GMDS: variants seen among roughly 807,000 people sequenced by gnomAD.
GMDS encodes the protein GDP-mannose 4,6 dehydratase.
A neutral mutation model predicts 49.9 loss-of-function variants in GMDS; 20 were observed. That is an observed-to-expected ratio of 0.40 (90% CI 0.28 to 0.58). The LOEUF is 0.58. Ranked by LOEUF, GMDS falls within the 20% of genes least tolerant of loss-of-function variation. The probability of loss-of-function intolerance (pLI) is 0.42; values close to 1 mark genes in which losing one functional copy is unlikely to be tolerated. For missense variants in GMDS, 362 were observed against 481.4 expected (o/e 0.75, Z 2.32); for synonymous variants, 177 against 178.6 (o/e 0.99, Z 0.07).
At chr6:1,855,294 T>C (rs1757895090) in intron 7 of GMDS, among the ~76,000 whole-genome samples, 1 of 152,224 alleles carries the variant, frequency 6.6e-6, no homozygotes, top group African/African-American at 2.4e-5. Context: ...TCTCTAGGTG[T>C]CAGCCATTTG....
At chr6:2,133,432 A>G (rs1775844883) in intron 1 of GMDS, among the ~76,000 whole-genome samples, 1 of 152,210 alleles carries the variant, frequency 6.6e-6, no homozygotes, top group Non-Finnish European at 1.5e-5. Context: ...CATTAATTTA[A>G]CAGTCTGCTA....
chr6:2,095,597 T>C (rs903461725), intron 4 of GMDS, among the ~76,000 whole-genome samples: 2 of 152,182 alleles, frequency 1.3e-5, no homozygotes, highest in African/African-American at 4.8e-5. Flanking sequence ...AAAATAATGA[T>C]GCATCTGAAA....
At chr6:2,108,833 C>T (rs1774385694) in intron 4 of GMDS, among the ~76,000 whole-genome samples, 1 of 152,174 alleles carries the variant, frequency 6.6e-6, no homozygotes, top group Non-Finnish European at 1.5e-5. Flanking sequence ...TGCTTATGAA[C>T]CGCACGTCCA....
intron 1 of GMDS, among the ~76,000 whole-genome samples, chr6:2,128,248 C>T (rs562747741): frequency 1.3e-5 from 2 of 151,466 alleles, no homozygotes; most frequent in East Asian, 3.9e-4. Context: ...AATCTCGGCT[C>T]ACTGCAACCT....
intron 1 of GMDS, among the ~76,000 whole-genome samples, chr6:2,235,076 G>C (rs748534362): frequency 9.2e-5 from 14 of 151,670 alleles, no homozygotes; most frequent in Non-Finnish European, 1.5e-4. Context: ...TGTGAACCAA[G>C]ATTATGCCAT....
chr6:1,951,958 CAG>C, intron 6 of GMDS: 1 of 984,214 alleles, frequency 1.0e-6, no homozygotes, highest in East Asian at 1.1e-4. Flanking sequence ...CTCAGTGTCA[CAG>C]GGGTTTCTTT....
chr6:2,066,533 C>T (rs1165337045), intron 4 of GMDS, among the ~76,000 whole-genome samples: 1 of 151,914 alleles, frequency 6.6e-6, no homozygotes, highest in African/African-American at 2.4e-5. Flanking sequence ...ATCTCATGTG[C>T]AGAGACACAC....
intron 9 of GMDS, among the ~76,000 whole-genome samples, chr6:1,719,290 G>A (rs964712919): frequency 2.0e-5 from 3 of 152,102 alleles, no homozygotes; most frequent in African/African-American, 7.2e-5. Flanking sequence ...GGCCTGGCAT[G>A]AGCCACAGGT....
intron 1 of GMDS, among the ~76,000 whole-genome samples, chr6:2,222,896 C>A (rs1019528489): frequency 6.6e-6 from 1 of 152,158 alleles, no homozygotes; most frequent in Non-Finnish European, 1.5e-5. Context: ...TAAATCAGTA[C>A]ACTGAGTAAT....
At position 2,145,080 on chromosome 6, in the gene GMDS, C is replaced by T. The variant is rs116783185; in HGVS notation, c.103-20349G>A. Among the ~76,000 whole-genome samples, 874 of 152,210 alleles carry T rather than the reference C, an allele frequency of 5.7e-3. 3 individuals are homozygous for T. Among genetic ancestry groups the T allele is most frequent in the Middle Eastern group, 0.017 (5 of 294 alleles). ...ACAGCACTAAAGATGAGGATGGAGACGCAGGCCTGGGCAAGAATCCCTAAT... is the reference window on the plus strand; with the variant it reads ...ACAGCACTAAAGATGAGGATGGAGATGCAGGCCTGGGCAAGAATCCCTAAT... On this transcript the variant is annotated intron_variant, in intron 1 of 10. Coordinates refer to ENST00000380815, the MANE Select transcript of GMDS (RefSeq NM_001500.4).
At chr6:1,705,802 T>G (rs925952237) in intron 9 of GMDS, among the ~76,000 whole-genome samples, 1 of 152,038 alleles carries the variant, frequency 6.6e-6, no homozygotes, top group Non-Finnish European at 1.5e-5. Flanking sequence ...AGAGGTAGCT[T>G]CAGGAGAGTT....
At chr6:1,939,582 TAC>T (rs71769614) in intron 6 of GMDS, among the ~76,000 whole-genome samples, 3,927 of 120,476 alleles carry the variant, frequency 0.033, 160 homozygotes, top group East Asian at 0.23. Flanking sequence ...TACATATATA[TAC>T]ACACACACAC....
rs116412319 is a variant in GMDS at position 2,073,856 on chromosome 6, G to A, written c.345+41915C>T. 3.5e-3 allele frequency among the ~76,000 whole-genome samples: 525 copies of A among 151,972 alleles called. 5 individuals are homozygous for A. Among genetic ancestry groups the A allele is most frequent in the African/African-American group, 0.012 (478 of 41,458 alleles). On this transcript the variant is annotated intron_variant, in intron 4 of 10. Coordinates refer to ENST00000380815, the MANE Select transcript of GMDS (RefSeq NM_001500.4). ...ATTTCATTCTTTCATTATGTTTTACGGCCAAATAATATTCCATCATGTATA... is the reference window on the plus strand; with the variant it reads ...ATTTCATTCTTTCATTATGTTTTACAGCCAAATAATATTCCATCATGTATA...
At chr6:2,137,626 G>A (rs977351513) in intron 1 of GMDS, among the ~76,000 whole-genome samples, 25 of 152,098 alleles carry the variant, frequency 1.6e-4, no homozygotes, top group Admixed American at 2.0e-4. Flanking sequence ...GAGCCACCGC[G>A]CCCGGCCCAT....
intron 9 of GMDS, among the ~76,000 whole-genome samples, chr6:1,687,666 A>G (rs1765024412): frequency 6.6e-6 from 1 of 152,082 alleles, no homozygotes. Flanking sequence ...GAGAGACACA[A>G]AGAGGCAGGT....
In GMDS at chr6:1,635,832, C is replaced by A. The variant is rs1177762098; in HGVS notation, c.988-11292G>T. Reference sequence around the variant, plus strand: ...CAGCCTTGTACATAACCCACAGCCACTCCAGGCAAGCAGGGCCCAGCCTCG... The same window carrying A: ...CAGCCTTGTACATAACCCACAGCCAATCCAGGCAAGCAGGGCCCAGCCTCG... On this transcript the variant is annotated intron_variant, in intron 9 of 10. Coordinates refer to ENST00000380815, the MANE Select transcript of GMDS (RefSeq NM_001500.4). The surrounding 1 kb of genome is among the most constrained non-coding windows in gnomAD (Gnocchi z 4.7). Among the ~76,000 whole-genome samples, 1 of 152,226 alleles carries A rather than the reference C, an allele frequency of 6.6e-6. No homozygotes were observed. Among genetic ancestry groups the A allele is most frequent in the African/African-American group, 2.4e-5 (1 of 41,452 alleles).
chr6:1,650,912 T>C (rs553445558), intron 9 of GMDS, among the ~76,000 whole-genome samples: 19 of 152,286 alleles, frequency 1.2e-4, no homozygotes, highest in Middle Eastern at 3.4e-3. Context: ...ACTCTTAAGA[T>C]TAAATGCTCT....
chr6:2,122,913 T>C (rs563735192), intron 2 of GMDS, among the ~76,000 whole-genome samples: 1 of 152,346 alleles, frequency 6.6e-6, no homozygotes, highest in African/African-American at 2.4e-5. Context: ...TTCCTCCCAT[T>C]AACTATGATT....
intron 9 of GMDS, among the ~76,000 whole-genome samples, chr6:1,711,673 C>G (rs1160766416): frequency 6.6e-6 from 1 of 152,208 alleles, no homozygotes; most frequent in Non-Finnish European, 1.5e-5. Flanking sequence ...TTCCATCCAC[C>G]TTGCTTATCT....
Sources: gnomAD v4.1 joint callset for allele counts (sites outside exome capture counted in the v4.1 genomes callset) on GRCh38, gnomAD v4.1.1 for gene constraint, Gnocchi (gnomAD v3.1) non-coding constraint, MANE v1.5 for transcripts, NCBI Gene and HGNC (gene_info 2026-07-23, HGNC 2026-07-21) for gene names.